The following DPYD variants were observed in gnomAD, a reference collection of about 807,000 sequenced individuals.
DPYD encodes the protein dihydropyrimidine dehydrogenase [NADP(+)].
A neutral mutation model predicts 116.2 loss-of-function variants in DPYD; 109 were observed. The observed-to-expected ratio is 0.94, with a 90% CI of 0.80 to 1.10. The LOEUF (loss-of-function observed/expected upper bound fraction) is 1.10, where lower values mean the gene tolerates loss of function less well. Ranked by LOEUF, DPYD falls within the 50% of genes least tolerant of loss-of-function variation. DPYD has a pLI of 0.00. For synonymous variants in DPYD, 440 were observed against 432.0 expected (o/e 1.02, Z -0.23); for missense variants, 1,302 against 1,254.5 (o/e 1.04, Z -0.57).
intron 20 of DPYD, among the ~76,000 whole-genome samples, chr1:97,139,395 C>T (rs916563716): frequency 3.9e-5 from 6 of 152,078 alleles, no homozygotes; most frequent in African/African-American, 1.4e-4. Context: ...AATGGCTTCA[C>T]AAGATGAATC....
chr1:97,093,558 C>A (rs1183023180), intron 21 of DPYD, among the ~76,000 whole-genome samples: 1 of 152,192 alleles, frequency 6.6e-6, no homozygotes, highest in African/African-American at 2.4e-5. Flanking sequence ...ATTTATAACT[C>A]TATGAGGCAG....
At chr1:97,189,550 C>A (rs572546444) in intron 20 of DPYD, among the ~76,000 whole-genome samples, 6 of 152,308 alleles carry the variant, frequency 3.9e-5, no homozygotes, top group African/African-American at 1.4e-4. Flanking sequence ...AGAATGTCAA[C>A]ATAACTCTTA....
At position 97,420,722 on chromosome 1, in the gene DPYD, C is replaced by T. The variant is rs866559365; in HGVS notation, c.1905+29337G>A. Among the ~76,000 whole-genome samples the T allele has an allele frequency of 5.9e-5, 9 of 152,198 alleles. No homozygotes were observed. In the South Asian group the frequency reaches 8.3e-4, roughly 14 times the overall value. Reference sequence around the variant, plus strand: ...GCAGTACAGAGCCATTTGTAGTTCCCGGTTGTGAAATATTTTCTCAAACTT... The same window carrying T: ...GCAGTACAGAGCCATTTGTAGTTCCTGGTTGTGAAATATTTTCTCAAACTT... On this transcript the variant is annotated intron_variant, in intron 14 of 22. Coordinates refer to ENST00000370192, the MANE Select transcript of DPYD (RefSeq NM_000110.4).
At chr1:97,517,751 G>C (rs950073094) in intron 12 of DPYD, among the ~76,000 whole-genome samples, 1 of 152,090 alleles carries the variant, frequency 6.6e-6, no homozygotes, top group Non-Finnish European at 1.5e-5. Flanking sequence ...ATCAGTAAAA[G>C]TATAGAAGCA....
intron 16 of DPYD, among the ~76,000 whole-genome samples, chr1:97,348,694 G>A (rs1669979336): frequency 6.6e-6 from 1 of 152,108 alleles, no homozygotes; most frequent in South Asian, 2.1e-4. Context: ...TAATATACAA[G>A]GTAATGTGAG....
At chr1:97,901,533 T>C (rs1329220676) in intron 1 of DPYD, among the ~76,000 whole-genome samples, 2 of 151,670 alleles carry the variant, frequency 1.3e-5, no homozygotes, top group East Asian at 3.9e-4. Context: ...TAACAATGAG[T>C]ATAGGTTGTA....
chr1:97,439,662 C>T (rs1189603577), intron 14 of DPYD, among the ~76,000 whole-genome samples: 3 of 152,046 alleles, frequency 2.0e-5, no homozygotes, highest in African/African-American at 7.2e-5. Flanking sequence ...CGCAAGGAAC[C>T]AGCTTTACCT....
intron 13 of DPYD, among the ~76,000 whole-genome samples, chr1:97,490,001 T>A (rs1678877360): frequency 1.3e-5 from 2 of 152,094 alleles, no homozygotes; most frequent in East Asian, 3.9e-4. Context: ...TAAACAACAA[T>A]GTGTTCCTGG....
rs114075140 is a variant in DPYD, at chr1:97,840,130, A to C, written c.151-11934T>G. Among the ~76,000 whole-genome samples the C allele has an allele frequency of 3.4e-3, 522 of 152,306 alleles. 3 individuals carry two copies. The highest frequency in any genetic ancestry group is 0.012 in the African/African-American group (487 of 41,586). On this transcript the variant is annotated intron_variant, in intron 2 of 22. Transcript: ENST00000370192. ...TTAAGAATAACCAAAAAATGACATA[A>C]TGTTTGAGATAAAGCTATAGTGGAT... is the stretch of plus-strand genomic sequence containing the variant.
chr1:97,579,627 A>G (rs1361628712), intron 10 of DPYD, among the ~76,000 whole-genome samples: 1 of 152,200 alleles, frequency 6.6e-6, no homozygotes, highest in Non-Finnish European at 1.5e-5. Flanking sequence ...TTTAACAACT[A>G]ATGTTTGTCA....
chr1:97,396,248 C>T (rs894102977), intron 14 of DPYD, among the ~76,000 whole-genome samples: 3 of 151,608 alleles, frequency 2.0e-5, no homozygotes, highest in African/African-American at 7.3e-5. Context: ...AAAAAAACTT[C>T]AAGAAGTTAA....
chr1:97,854,699 G>C (rs1048641962), intron 2 of DPYD, among the ~76,000 whole-genome samples: 2 of 152,184 alleles, frequency 1.3e-5, no homozygotes, highest in African/African-American at 4.8e-5. Flanking sequence ...TATTAGTGAA[G>C]TAAGTTGAAA....
chr1:97,612,919 A>G (rs1367459698), intron 8 of DPYD, among the ~76,000 whole-genome samples: 2 of 152,008 alleles, frequency 1.3e-5, no homozygotes, highest in Non-Finnish European at 2.9e-5. Flanking sequence ...ATGTTTTTTC[A>G]TTAAGAGTTT....
chr1:97,091,647 A>G (rs1409404491), intron 21 of DPYD, among the ~76,000 whole-genome samples: 1 of 152,178 alleles, frequency 6.6e-6, no homozygotes, highest in Non-Finnish European at 1.5e-5. Context: ...CTTGTATAAA[A>G]ATGACAATAA....
chr1:97,639,271 G>T (rs1657744535), intron 8 of DPYD, among the ~76,000 whole-genome samples: 2 of 152,178 alleles, frequency 1.3e-5, no homozygotes, highest in Admixed American at 6.5e-5. Context: ...GTATATATAT[G>T]TAAACAGTTA....
In DPYD at chr1:97,340,538, G is replaced by C. The variant is rs1330218735; in HGVS notation, c.2058+33023C>G. ...AGTAAGAATAAATTAGCTAGGTGTT[G>C]TGATGTGTGCCTGTGGTCCCAGCTA... On this transcript the variant is annotated intron_variant, in intron 16 of 22. Transcript: ENST00000370192. Among the ~76,000 whole-genome samples the C allele has an allele frequency of 2.0e-5, 3 of 152,110 alleles. No homozygotes were observed. The East Asian group carries it at 5.8e-4, about 29-fold the overall frequency.
At chr1:97,380,795 G>C (rs1044730235) in intron 15 of DPYD, among the ~76,000 whole-genome samples, 1 of 152,072 alleles carries the variant, frequency 6.6e-6, no homozygotes, top group Non-Finnish European at 1.5e-5. Context: ...TTTTAACGTG[G>C]GTTTTTCCAT....
At chr1:97,600,701 G>A (rs551766852) in intron 8 of DPYD, among the ~76,000 whole-genome samples, 1 of 152,180 alleles carries the variant, frequency 6.6e-6, no homozygotes, top group East Asian at 1.9e-4. Flanking sequence ...TCTTTGCACA[G>A]ATGTGAAATA....
chr1:97,700,975 G>A (rs1369115887), intron 5 of DPYD, among the ~76,000 whole-genome samples: 1 of 151,156 alleles, frequency 6.6e-6, no homozygotes, highest in African/African-American at 2.4e-5. Context: ...ATAGGTGGTA[G>A]AGGGTAGGAA....
Sources: gnomAD v4.1 joint callset for allele counts (sites outside exome capture counted in the v4.1 genomes callset) on GRCh38, gnomAD v4.1.1 for gene constraint, MANE v1.5 for transcripts, NCBI Gene and HGNC (gene_info 2026-07-23, HGNC 2026-07-21) for gene names.